PDE1C: variants seen among roughly 807,000 people sequenced by gnomAD.
The protein encoded by PDE1C is phosphodiesterase 1C, also known as dual specificity calcium/calmodulin-dependent 3',5'-cyclic nucleotide phosphodiesterase 1C.
In PDE1C, 62 loss-of-function variants were observed where a neutral mutation model predicts 93.1. The observed-to-expected ratio is 0.67, with a 90% confidence interval of 0.54 to 0.82. The LOEUF (loss-of-function observed/expected upper bound fraction) is 0.82, where lower values mean the gene tolerates loss of function less well. PDE1C is among the 40% of genes least tolerant of loss of function. The pLI is 0.00. For missense variants in PDE1C, 742 were observed against 884.6 expected (o/e 0.84, Z 2.04); for synonymous variants, 325 against 310.1 (o/e 1.05, Z -0.50).
intron 12 of PDE1C, among the ~76,000 whole-genome samples, chr7:31,826,150 A>C (rs1789631945): frequency 6.6e-6 from 1 of 152,176 alleles, no homozygotes; most frequent in Non-Finnish European, 1.5e-5. Context: ...CCGGAAGGAA[A>C]CTAAATATCA....
chr7:32,390,739 C>T (rs1430068330), intron 1 of PDE1C, among the ~76,000 whole-genome samples: 2 of 151,628 alleles, frequency 1.3e-5, no homozygotes, highest in South Asian at 2.1e-4. Flanking sequence ...CCCAGCTACT[C>T]GGGAGGCTGA....
At chr7:31,707,122 C>G in the PDE1C span, 1 of 1,319,788 alleles carries the variant, frequency 7.6e-7, no homozygotes, top group African/African-American at 1.5e-5. Context: ...TTGCCATGCT[C>G]CTTTGTACTG....
At chr7:31,922,988 G>A (rs1219985397) in intron 2 of PDE1C, among the ~76,000 whole-genome samples, 1 of 152,034 alleles carries the variant, frequency 6.6e-6, no homozygotes, top group Non-Finnish European at 1.5e-5. Flanking sequence ...TGTCAGCTTG[G>A]GTGCATTTTC....
chr7:32,380,291 G>T (rs2128090026), intron 1 of PDE1C, among the ~76,000 whole-genome samples: 1 of 151,506 alleles, frequency 6.6e-6, no homozygotes, highest in Non-Finnish European at 1.5e-5. Context: ...AGGCTGGAGT[G>T]CAGTGGCATG....
At chr7:32,223,776 A>G (rs1412322970) in intron 1 of PDE1C, among the ~76,000 whole-genome samples, 2 of 152,098 alleles carry the variant, frequency 1.3e-5, no homozygotes, top group Non-Finnish European at 2.9e-5. Context: ...CCTATTGCCT[A>G]TTTTATATTA....
intron 1 of PDE1C, among the ~76,000 whole-genome samples, chr7:32,216,250 C>T (rs1806423912): frequency 6.6e-6 from 1 of 152,112 alleles, no homozygotes; most frequent in Admixed American, 6.5e-5. Flanking sequence ...CTTCCATGAC[C>T]ACCCATTAAG....
At chr7:32,407,341 A>T (rs113181382) in intron 1 of PDE1C, among the ~76,000 whole-genome samples, 21 of 152,280 alleles carry the variant, frequency 1.4e-4, no homozygotes, top group African/African-American at 5.1e-4. Flanking sequence ...AAATTTTATC[A>T]TTTCTGAATT....
At chr7:32,220,772 C>T (rs935143380) in intron 1 of PDE1C, among the ~76,000 whole-genome samples, 2 of 152,090 alleles carry the variant, frequency 1.3e-5, no homozygotes, top group African/African-American at 2.4e-5. Flanking sequence ...GAGCCGCGAT[C>T]GCACCACTGC....
intron 1 of PDE1C, among the ~76,000 whole-genome samples, chr7:32,215,648 A>C (rs1484847179): frequency 6.6e-6 from 1 of 152,206 alleles, no homozygotes; most frequent in East Asian, 1.9e-4. Context: ...CAGCTACGAC[A>C]CAAACAATAC....
chr7:32,276,701 C>T (rs1811312675), intron 1 of PDE1C, among the ~76,000 whole-genome samples: 1 of 152,034 alleles, frequency 6.6e-6, no homozygotes, highest in South Asian at 2.1e-4. Flanking sequence ...ATAATAATAA[C>T]TATCTCACAG....
chr7:31,933,429 G>A (rs1804602814), intron 2 of PDE1C, among the ~76,000 whole-genome samples: 1 of 152,070 alleles, frequency 6.6e-6, no homozygotes, highest in East Asian at 1.9e-4. Flanking sequence ...CAGAATAGAG[G>A]AGCCTTTTGT....
rs1221708828 is a variant in PDE1C, at chr7:32,139,450, A to C, written c.308+30335T>G. ...CAAACAACCAATTCAAAAGGGAGGA[A>C]GAAGTATCCATATTTTAATCAATCA... On this transcript the variant is annotated intron_variant, in intron 3 of 18. Coordinates refer to the PDE1C transcript ENST00000396193. Among the ~76,000 whole-genome samples, 3 of 152,076 alleles carry C rather than the reference A, an allele frequency of 2.0e-5. 1 individual carries two copies. The highest frequency in any genetic ancestry group is 2.0e-4 in the Admixed American group (3 of 15,264).
the PDE1C span, among the ~76,000 whole-genome samples, chr7:31,706,875 G>A: frequency 1.1e-3 from 175 of 152,316 alleles, no homozygotes; most frequent in African/African-American, 4.1e-3. Flanking sequence ...TAAGTGAGTG[G>A]CAGAACTGTG....
intron 2 of PDE1C, among the ~76,000 whole-genome samples, chr7:32,037,461 A>G (rs1427533770): frequency 2.0e-5 from 3 of 152,132 alleles, no homozygotes; most frequent in African/African-American, 7.2e-5. Flanking sequence ...GGACTCAGAT[A>G]ACAAAAGCGG....
At chr7:32,418,869 C>T (rs1411015911) in intron 1 of PDE1C, among the ~76,000 whole-genome samples, 1 of 152,212 alleles carries the variant, frequency 6.6e-6, no homozygotes, top group Non-Finnish European at 1.5e-5. Flanking sequence ...GTCCACCCGA[C>T]TCCTGGAGCA....
chr7:31,756,177 T>C (rs1794453955), intron 17 of PDE1C, among the ~76,000 whole-genome samples: 2 of 152,034 alleles, frequency 1.3e-5, no homozygotes, highest in South Asian at 4.1e-4. Context: ...TTCTCATAAA[T>C]AAATAAATAT....
chr7:32,285,395 G>A (rs771912854), intron 1 of PDE1C, among the ~76,000 whole-genome samples: 7 of 152,148 alleles, frequency 4.6e-5, no homozygotes, highest in Non-Finnish European at 7.3e-5. Flanking sequence ...ACAAAGACAT[G>A]TATGTAAATA....
intron 2 of PDE1C, among the ~76,000 whole-genome samples, chr7:31,961,236 A>G (rs1217675903): frequency 6.8e-6 from 1 of 147,488 alleles, no homozygotes; most frequent in East Asian, 2.3e-4. Flanking sequence ...GTACATGTAT[A>G]TGTATATGTA....
chr7:32,402,132 G>A (rs780076567), intron 1 of PDE1C, among the ~76,000 whole-genome samples: 1 of 152,040 alleles, frequency 6.6e-6, no homozygotes, highest in Non-Finnish European at 1.5e-5. Flanking sequence ...GTGAAACCCA[G>A]ATCTGTCTGG....
Sources: allele counts gnomAD v4.1 joint callset (sites outside exome capture counted in the v4.1 genomes callset), GRCh38; gene constraint gnomAD v4.1.1; transcripts MANE v1.5; gene names NCBI Gene and HGNC (gene_info 2026-07-23, HGNC 2026-07-21).